Variants in TXNDC8 observed in about 807,000 individuals in gnomAD.
TXNDC8 encodes the protein thioredoxin domain containing 8, also known as thioredoxin domain-containing protein 8.
In TXNDC8, 15 loss-of-function variants were observed where a neutral mutation model predicts 12.9. That is an observed-to-expected ratio of 1.16 (90% CI 0.78 to 1.79). TXNDC8 has a LOEUF of 1.79. TXNDC8 is among the 40% of genes most tolerant of loss of function. TXNDC8 has a pLI of 0.00. For synonymous variants in TXNDC8, 40 were observed against 35.4 expected, an observed-to-expected ratio of 1.13 and a Z score of -0.46; for missense variants, 128 against 113.2, an observed-to-expected ratio of 1.13 and a Z score of -0.59.
At position 110,320,358 on chromosome 9, in the gene TXNDC8, G is replaced by A. The variant is rs113677255; in HGVS notation, c.195+5817C>T. On this transcript the variant is annotated intron_variant, in intron 3 of 4. Transcript: ENST00000423740. ...TATGAGAACCTGATGGTTTTATGAA[G>A]GGGAGTTCCCCTGCATGCACCCTCT... Among the ~76,000 whole-genome samples the A allele has an allele frequency of 4.2e-3, 642 of 152,250 alleles. 8 individuals are homozygous for A. The highest frequency in any genetic ancestry group is 0.013 in the African/African-American group (552 of 41,534).
At chr9:110,332,309 T>A (rs1839577571) in intron 2 of TXNDC8, among the ~76,000 whole-genome samples, 1 of 152,194 alleles carries the variant, frequency 6.6e-6, no homozygotes, top group Non-Finnish European at 1.5e-5. Flanking sequence ...TCCCTCTTTG[T>A]CCTCCCAAAG....
chr9:110,332,385 C>A (rs547223061), intron 2 of TXNDC8, among the ~76,000 whole-genome samples: 1 of 151,976 alleles, frequency 6.6e-6, no homozygotes, highest in South Asian at 2.1e-4. Context: ...GAATTTTAGG[C>A]GGATAAGGGA....
At chr9:110,316,314 A>C (rs1838884503) in intron 3 of TXNDC8, among the ~76,000 whole-genome samples, 1 of 152,166 alleles carries the variant, frequency 6.6e-6, no homozygotes, top group African/African-American at 2.4e-5. Context: ...GATGAAAAGA[A>C]TATGTCTAAT....
intron 2 of TXNDC8, among the ~76,000 whole-genome samples, chr9:110,331,712 C>A (rs1327909610): frequency 6.6e-6 from 1 of 152,280 alleles, no homozygotes; most frequent in Admixed American, 6.5e-5. Flanking sequence ...ATTCGATTCT[C>A]ATAAGGAGGG....
rs561509077 is a variant in TXNDC8 at position 110,313,645 on chromosome 9, G to A, written c.196-9113C>T. Among the ~76,000 whole-genome samples the A allele has an allele frequency of 6.4e-4, 98 of 152,152 alleles. 1 individual carries two copies. In the South Asian group the frequency reaches 7.5e-3, roughly 12 times the overall value. ...GTACCCAGGAGGTGGAGGTTGCAGT[G>A]AGCCGAGACCGTGCCCCTGACTCCA... On this transcript the variant is annotated intron_variant, in intron 3 of 4. Coordinates refer to ENST00000423740, the MANE Select transcript of TXNDC8 (RefSeq NM_001286946.2).
At chr9:110,316,938 G>T (rs1318782) in intron 3 of TXNDC8, among the ~76,000 whole-genome samples, 28,019 of 152,204 alleles carry the variant, frequency 0.18, 2,746 homozygotes, top group Middle Eastern at 0.22. Context: ...GGGCATGGCT[G>T]TGTTCCAGTG....
intron 1 of TXNDC8, 144 bp downstream of exon 1, chr9:110,337,629 T>A: frequency 1.3e-6 from 1 of 752,624 alleles, no homozygotes. Flanking sequence ...AGGAACAAGA[T>A]AAAGAACAAG....
At chr9:110,312,181 C>T (rs1011048718) in intron 3 of TXNDC8, among the ~76,000 whole-genome samples, 1 of 152,122 alleles carries the variant, frequency 6.6e-6, no homozygotes, top group African/African-American at 2.4e-5. Flanking sequence ...TTAGTATACT[C>T]CTATGAACAA....
At chr9:110,332,827 A>G (rs996408639) in intron 2 of TXNDC8, among the ~76,000 whole-genome samples, 2 of 152,210 alleles carry the variant, frequency 1.3e-5, no homozygotes, top group African/African-American at 4.8e-5. Flanking sequence ...TGTGGGAAAA[A>G]GATTTGAATA....
At chr9:110,323,891 CAA>C in intron 3 of TXNDC8, 1 of 1,550,790 alleles carries the variant, frequency 6.4e-7, no homozygotes, top group Non-Finnish European at 8.7e-7. Context: ...GCTGCTTAAG[CAA>C]AGTCCTGAAA....
rs1564093260 is a variant in TXNDC8 at position 110,305,851 on chromosome 9, C to CT, written c.196-1320dup. Among the ~76,000 whole-genome samples the CT allele has an allele frequency of 2.6e-4, 27 of 104,912 alleles. 1 individual carries two copies. The highest frequency in any genetic ancestry group is 1.2e-3 in the South Asian group (4 of 3,470). The allele number at this position is 104,912 out of a possible 152,430, so 68.8% of individuals were successfully genotyped here. On this transcript the variant is annotated intron_variant, in intron 3 of 4. Transcript: ENST00000423740. ...CCTTTCTTTTCCTTTCTTTTCTTTTCTTTCTTTTTCTTTTCTTTTCTTTTC... is the reference window on the plus strand; with the variant it reads ...CCTTTCTTTTCCTTTCTTTTCTTTTCTTTTCTTTTTCTTTTCTTTTCTTTTC...
At chr9:110,323,403 T>C (rs1275205171) in intron 3 of TXNDC8, 1 of 909,878 alleles carries the variant, frequency 1.1e-6, no homozygotes, top group Non-Finnish European at 1.3e-6. Flanking sequence ...TTAATGGTGC[T>C]TCTGTGTAGC....
chr9:110,321,716 A>T (rs1839101225), intron 3 of TXNDC8, among the ~76,000 whole-genome samples: 1 of 113,992 alleles, frequency 8.8e-6, no homozygotes, highest in African/African-American at 3.2e-5. Context: ...CTTCCTAGTC[A>T]GTTCTATGAA....
chr9:110,303,444 T>C (rs1402351894), downstream of TXNDC8: 4 of 1,456,768 alleles, frequency 2.7e-6, no homozygotes, highest in African/African-American at 5.6e-5. Flanking sequence ...CTACAGTATT[T>C]GCTGGAAATG....
chr9:110,319,340 A>C (rs1839006872), intron 3 of TXNDC8, among the ~76,000 whole-genome samples: 1 of 152,180 alleles, frequency 6.6e-6, no homozygotes, highest in Non-Finnish European at 1.5e-5. Flanking sequence ...TTATTTCTAA[A>C]TTACTATTTA....
At chr9:110,324,231 G>A (rs949135938) in intron 3 of TXNDC8, among the ~76,000 whole-genome samples, 2 of 152,192 alleles carry the variant, frequency 1.3e-5, no homozygotes, top group African/African-American at 2.4e-5. Flanking sequence ...TCCGAAATGG[G>A]AGTGAAGGAG....
At chr9:110,337,661 T>C (rs1839810254) in intron 1 of TXNDC8, 112 bp downstream of exon 1, 1 of 1,001,486 alleles carries the variant, frequency 1.0e-6, no homozygotes, top group Non-Finnish European at 1.5e-6. Context: ...CTCCCCTTGC[T>C]ACAATGCAAT....
At chr9:110,312,622 T>C (rs1838731206) in intron 3 of TXNDC8, among the ~76,000 whole-genome samples, 1 of 152,150 alleles carries the variant, frequency 6.6e-6, no homozygotes, top group Non-Finnish European at 1.5e-5. Context: ...TATCTGAGAT[T>C]CTTTCTATGG....
intron 3 of TXNDC8, among the ~76,000 whole-genome samples, chr9:110,315,535 G>C (rs1041965483): frequency 9.2e-5 from 14 of 152,188 alleles, no homozygotes; most frequent in African/African-American, 3.4e-4. Flanking sequence ...TTAGACTTTA[G>C]AGTCTGACTA....
Sources: gnomAD v4.1 joint callset for allele counts (sites outside exome capture counted in the v4.1 genomes callset) on GRCh38, gnomAD v4.1.1 for gene constraint, MANE v1.5 for transcripts, NCBI Gene and HGNC (gene_info 2026-07-23, HGNC 2026-07-21) for gene names.